The following MLLT3 variants were observed in gnomAD, a reference collection of about 807,000 sequenced individuals.
MLLT3 encodes the protein MLLT3 super elongation complex subunit, also known as protein AF-9.
A neutral mutation model predicts 53.2 loss-of-function variants in MLLT3; 4 were observed. That is an observed-to-expected ratio of 0.08 (90% CI 0.04 to 0.17). The LOEUF (loss-of-function observed/expected upper bound fraction) is 0.17. Ranked by LOEUF, MLLT3 falls within the 10% of genes least tolerant of loss-of-function variation. The pLI, the probability that MLLT3 is intolerant of heterozygous loss-of-function variation, is 1.00. For missense variants in MLLT3, 569 were observed against 684.0 expected (o/e 0.83, Z 1.87); for synonymous variants, 283 against 230.6 (o/e 1.23, Z -2.06).
At chr9:20,405,700 T>C (rs902496253) in intron 5 of MLLT3, among the ~76,000 whole-genome samples, 1 of 152,220 alleles carries the variant, frequency 6.6e-6, no homozygotes, top group Non-Finnish European at 1.5e-5. Context: ...GTTTGATAAA[T>C]TAACTGCAGG....
intron 2 of MLLT3, among the ~76,000 whole-genome samples, chr9:20,521,740 G>C (rs946211497): frequency 6.6e-6 from 1 of 152,142 alleles, no homozygotes; most frequent in Non-Finnish European, 1.5e-5. Context: ...TCTTTAAATA[G>C]GTATTGAATC....
At chr9:20,506,185 G>C (rs923066448) in intron 2 of MLLT3, among the ~76,000 whole-genome samples, 6 of 151,960 alleles carry the variant, frequency 3.9e-5, no homozygotes, top group Admixed American at 1.3e-4. Context: ...CCCCCAAGTA[G>C]TTGGGATTAC....
At chr9:20,501,674 C>G (rs1433178275) in intron 2 of MLLT3, among the ~76,000 whole-genome samples, 4 of 149,914 alleles carry the variant, frequency 2.7e-5, no homozygotes, top group African/African-American at 9.9e-5. Flanking sequence ...TGGCGTGAAC[C>G]CGGGAAGCGG....
intron 2 of MLLT3, among the ~76,000 whole-genome samples, chr9:20,522,582 C>A (rs747473033): frequency 1.3e-5 from 2 of 152,014 alleles, no homozygotes; most frequent in Non-Finnish European, 2.9e-5. Flanking sequence ...GAGCTTACTG[C>A]CCAGTATGCG....
At chr9:20,609,817 C>T (rs945943156) in intron 2 of MLLT3, among the ~76,000 whole-genome samples, 2 of 152,078 alleles carry the variant, frequency 1.3e-5, no homozygotes, top group African/African-American at 4.8e-5. Flanking sequence ...ATTTCACTGT[C>T]CATTCACCAT....
chr9:20,542,486 A>G (rs904512411), intron 2 of MLLT3, among the ~76,000 whole-genome samples: 2 of 152,052 alleles, frequency 1.3e-5, no homozygotes, highest in Non-Finnish European at 1.5e-5. Flanking sequence ...TCCTGACCTC[A>G]TGATCCACCC....
chr9:20,470,178 TACAC>T (rs1292411700), intron 2 of MLLT3, among the ~76,000 whole-genome samples: 1 of 151,058 alleles, frequency 6.6e-6, no homozygotes, highest in Non-Finnish European at 1.5e-5. Context: ...TCTCACTGTG[TACAC>T]ATACTACCTT....
intron 4 of MLLT3, among the ~76,000 whole-genome samples, chr9:20,447,587 C>T (rs1823736728): frequency 1.3e-5 from 2 of 152,134 alleles, no homozygotes; most frequent in Non-Finnish European, 1.5e-5. Flanking sequence ...AAGTTTACAA[C>T]ACTTTTGCTA....
chr9:20,393,070 G>A (rs1822228383), intron 5 of MLLT3, among the ~76,000 whole-genome samples: 1 of 152,098 alleles, frequency 6.6e-6, no homozygotes. Flanking sequence ...CAGGAGAATT[G>A]ATTGAACCCA....
chr9:20,450,910 T>A (rs1823824368), intron 3 of MLLT3, among the ~76,000 whole-genome samples: 1 of 152,228 alleles, frequency 6.6e-6, no homozygotes, highest in Non-Finnish European at 1.5e-5. Flanking sequence ...TTGGTAGACA[T>A]CTTGGCAATA....
At chr9:20,431,160 G>C (rs1241611702) in intron 4 of MLLT3, among the ~76,000 whole-genome samples, 1 of 152,048 alleles carries the variant, frequency 6.6e-6, no homozygotes, top group African/African-American at 2.4e-5. Context: ...CTAAATAGGT[G>C]ACTGCTCTAT....
At chr9:20,570,766 GCAACCCAATAAAA>G (rs1168629904) in intron 2 of MLLT3, among the ~76,000 whole-genome samples, 3,942 of 152,050 alleles carry the variant, frequency 0.026, 184 homozygotes, top group African/African-American at 0.089. Flanking sequence ...TCTTTAAAAA[GCAACCCAATAAAA>G]TAAGAAACCT....
At chr9:20,358,183 G>A (rs763174491) in intron 8 of MLLT3, among the ~76,000 whole-genome samples, 1 of 152,058 alleles carries the variant, frequency 6.6e-6, no homozygotes, top group Non-Finnish European at 1.5e-5. Context: ...CCTGACCCCA[G>A]TGCAAGTGAT....
chr9:20,389,699 G>A (rs1159605459), intron 5 of MLLT3, among the ~76,000 whole-genome samples: 1 of 152,060 alleles, frequency 6.6e-6, no homozygotes, highest in African/African-American at 2.4e-5. Context: ...AGGATCACTT[G>A]AACCCAAGAG....
At chr9:20,504,957 G>T (rs114712253) in intron 2 of MLLT3, among the ~76,000 whole-genome samples, 1 of 151,920 alleles carries the variant, frequency 6.6e-6, no homozygotes, top group Non-Finnish European at 1.5e-5. Flanking sequence ...ATGGTTTGAC[G>T]GAAAGGAGCC....
intron 2 of MLLT3, among the ~76,000 whole-genome samples, chr9:20,486,903 T>G (rs1447713221): frequency 6.6e-6 from 1 of 152,098 alleles, no homozygotes; most frequent in Non-Finnish European, 1.5e-5. Flanking sequence ...TAACAGAAAA[T>G]TGTGCTAGGG....
chr9:20,567,379 C>T (rs1044673340), intron 2 of MLLT3, among the ~76,000 whole-genome samples: 1 of 146,158 alleles, frequency 6.8e-6, no homozygotes, highest in Non-Finnish European at 1.5e-5. Context: ...AGTATAAATT[C>T]TTTAACTTTT....
At chr9:20,589,584 TA>T in intron 2 of MLLT3, among the ~76,000 whole-genome samples, 1 of 58,608 alleles carries the variant, frequency 1.7e-5, no homozygotes, top group Non-Finnish European at 4.5e-5. Context: ...TAAAGTATAA[TA>T]ATAAAAAAAA....
At chr9:20,368,009 A>T (rs558324297) in intron 5 of MLLT3, among the ~76,000 whole-genome samples, 1 of 152,334 alleles carries the variant, frequency 6.6e-6, no homozygotes, top group African/African-American at 2.4e-5. Flanking sequence ...TCTAGCACTC[A>T]TTCTGCAGGA....
Sources: gnomAD v4.1 joint callset for allele counts (sites outside exome capture counted in the v4.1 genomes callset) on GRCh38, gnomAD v4.1.1 for gene constraint, MANE v1.5 for transcripts, NCBI Gene and HGNC (gene_info 2026-07-23, HGNC 2026-07-21) for gene names.